COL24A1: variants seen among roughly 807,000 people sequenced by gnomAD.
COL24A1 encodes the protein collagen type XXIV alpha 1 chain.
COL24A1 carries 224 observed loss-of-function variants against 253.9 expected under a neutral mutation model. The ratio of observed to expected loss-of-function variants is 0.88; its 90% CI spans 0.79 to 0.99. COL24A1 has a LOEUF of 0.99. Among genes scored for constraint, COL24A1 ranks in the 50% least tolerant of loss-of-function variants. The pLI is 0.00. For synonymous variants in COL24A1, 685 were observed against 673.7 expected, an observed-to-expected ratio of 1.02 and a Z score of -0.26; for missense variants, 2,131 against 2,068.5, an observed-to-expected ratio of 1.03 and a Z score of -0.59.
Position 86,125,284 on chromosome 1 carries a change from AC to A in COL24A1, c.1051del (p.Val351Ter), listed in dbSNP as rs1479712997. The stretch of plus-strand genomic sequence containing the variant: ...TGCCTCACTGATGCGATGAGTGGTC[AC>A]TGACAGGCTGAAATTTGTCTGAGTA... ...EDTQTNFSLS[V>X]TTHRISEAKM... is the part of the protein sequence containing the mutation. On this transcript the variant is annotated frameshift_variant, in exon 3 of 60. Transcript: ENST00000370571. LOFTEE classifies it high-confidence loss of function. The A allele has an allele frequency of 3.8e-5, 62 of 1,613,532 alleles. No homozygotes were observed. Among genetic ancestry groups the A allele is most frequent in the Non-Finnish European group, 4.9e-5 (58 of 1,179,792 alleles).
intron 53 of COL24A1, among the ~76,000 whole-genome samples, chr1:85,763,472 TG>T (rs1667035741): frequency 6.7e-6 from 1 of 150,134 alleles, no homozygotes; most frequent in Admixed American, 6.7e-5. Flanking sequence ...TGATTGTCTC[TG>T]TTAATTTTCT....
chr1:85,816,170 G>A (rs1006381785), intron 47 of COL24A1, among the ~76,000 whole-genome samples: 3 of 152,026 alleles, frequency 2.0e-5, no homozygotes, highest in Non-Finnish European at 4.4e-5. Flanking sequence ...GGATTAGTTC[G>A]AGCTAGCTGT....
At chr1:85,865,678 T>G (rs1679713374) in intron 37 of COL24A1, among the ~76,000 whole-genome samples, 1 of 152,354 alleles carries the variant, frequency 6.6e-6, no homozygotes, top group Middle Eastern at 3.4e-3. Context: ...CTACAAACTC[T>G]TAGGATTCTG....
intron 24 of COL24A1, among the ~76,000 whole-genome samples, chr1:85,932,351 G>T (rs1687817972): frequency 1.4e-5 from 1 of 69,814 alleles, no homozygotes; most frequent in Non-Finnish European, 3.0e-5. Flanking sequence ...CATCATCACT[G>T]GCCATCAGAG....
At chr1:85,900,906 C>T (rs1684222205) in intron 28 of COL24A1, among the ~76,000 whole-genome samples, 1 of 152,002 alleles carries the variant, frequency 6.6e-6, no homozygotes, top group Non-Finnish European at 1.5e-5. Flanking sequence ...CAAAAATCAA[C>T]CCAAAATGTA....
intron 19 of COL24A1, among the ~76,000 whole-genome samples, chr1:86,009,059 A>G (rs1696257383): frequency 1.3e-5 from 2 of 152,206 alleles, no homozygotes; most frequent in South Asian, 4.1e-4. Context: ...TATAAGTGTA[A>G]GTTGAAGCCA....
intron 24 of COL24A1, among the ~76,000 whole-genome samples, chr1:85,951,774 C>G (rs1232173153): frequency 1.3e-5 from 2 of 152,072 alleles, no homozygotes; most frequent in African/African-American, 4.8e-5. Context: ...ACCAGAAAAA[C>G]ATAGATTCCA....
chr1:85,952,751 A>G (rs1408725077), intron 24 of COL24A1, among the ~76,000 whole-genome samples: 2 of 152,228 alleles, frequency 1.3e-5, no homozygotes, highest in African/African-American at 4.8e-5. Flanking sequence ...ACAGTTGAGC[A>G]GCTATGATAA....
intron 50 of COL24A1, among the ~76,000 whole-genome samples, chr1:85,783,826 C>T (rs1050626280): frequency 1.3e-5 from 2 of 152,002 alleles, no homozygotes; most frequent in African/African-American, 2.4e-5. Flanking sequence ...TGGGTATAGG[C>T]ATTTACTGTA....
chr1:85,800,470 A>G (rs112028794), intron 47 of COL24A1, among the ~76,000 whole-genome samples: 11 of 152,208 alleles, frequency 7.2e-5, no homozygotes, highest in Non-Finnish European at 1.3e-4. Context: ...CAGAGTTCTT[A>G]CTTGCAAATA....
intron 24 of COL24A1, among the ~76,000 whole-genome samples, chr1:85,914,704 T>C (rs1685722842): frequency 6.6e-6 from 1 of 152,170 alleles, no homozygotes; most frequent in Non-Finnish European, 1.5e-5. Flanking sequence ...CATTTCTTTA[T>C]CATATAACAT....
chr1:85,932,684 A>T (rs997989539), intron 24 of COL24A1, among the ~76,000 whole-genome samples: 3 of 100,580 alleles, frequency 3.0e-5, no homozygotes, highest in Admixed American at 1.1e-4. Context: ...CTTGGAACCA[A>T]CCCAAATGTC....
intron 47 of COL24A1, among the ~76,000 whole-genome samples, chr1:85,801,037 C>T (rs72950669): frequency 0.021 from 3,135 of 152,260 alleles, 104 homozygotes; most frequent in African/African-American, 0.069. Flanking sequence ...CACAGTTTCT[C>T]GAGATTATTA....
rs144360627 is a variant in COL24A1, at chr1:86,085,833, A to C, written c.1707+3341T>G. ...AAACATATTGCTTGTTAAAAATGTT[A>C]ATACTGGTTTCAAAAAATGGGAATG... is the stretch of plus-strand genomic sequence containing the variant. On this transcript the variant is annotated intron_variant, in intron 7 of 59. Coordinates refer to ENST00000370571, the MANE Select transcript of COL24A1 (RefSeq NM_152890.7). 2.5e-3 allele frequency among the ~76,000 whole-genome samples: 385 copies of C among 152,314 alleles called. 1 individual carries two copies. The highest frequency in any genetic ancestry group is 0.01 in the Middle Eastern group (3 of 294).
intron 1 of COL24A1, chr1:86,155,183 C>T (rs1653359298): frequency 6.6e-6 from 1 of 152,132 alleles, no homozygotes; most frequent in Non-Finnish European, 1.5e-5. Context: ...CGGGGAGGTG[C>T]ATGTGGTCAG....
intron 24 of COL24A1, among the ~76,000 whole-genome samples, chr1:85,927,234 C>G (rs907967047): frequency 5.9e-5 from 9 of 152,064 alleles, no homozygotes; most frequent in African/African-American, 1.9e-4. Context: ...GCACCGTGCG[C>G]GAGCCGAAGC....
At position 86,156,708 on chromosome 1, in the gene COL24A1, G is replaced by C; in HGVS notation, c.-312C>G. 1 of 253,762 alleles carries C rather than the reference G, an allele frequency of 3.9e-6. No individual in the cohort carries two copies. The allele number at this position is 253,762 out of a possible 1,614,324, so 15.7% of individuals were successfully genotyped here. A position where few individuals can be genotyped will look rare whatever the true frequency, so the allele number is the denominator to read the frequency against. ...GGCCTCGGGGCGCCGGCGGCAGCGGGAGCCGGGCTGCTAGTGCAGCACTCA... is the reference window on the plus strand; with the variant it reads ...GGCCTCGGGGCGCCGGCGGCAGCGGCAGCCGGGCTGCTAGTGCAGCACTCA... On this transcript the variant is annotated 5_prime_UTR_variant, in exon 1 of 60. Coordinates refer to ENST00000370571, the MANE Select transcript of COL24A1 (RefSeq NM_152890.7).
At chr1:85,778,418 T>G (rs1020366205) in intron 52 of COL24A1, among the ~76,000 whole-genome samples, 1 of 151,952 alleles carries the variant, frequency 6.6e-6, no homozygotes, top group Non-Finnish European at 1.5e-5. Context: ...CTTTGTATAT[T>G]AACCTGTTAT....
chr1:85,879,300 G>C (rs1248827484), intron 32 of COL24A1, among the ~76,000 whole-genome samples: 1 of 150,120 alleles, frequency 6.7e-6, no homozygotes, highest in Non-Finnish European at 1.5e-5. Flanking sequence ...TCTGCATCTA[G>C]ATTCACGTTT....
Sources: allele counts gnomAD v4.1 joint callset (sites outside exome capture counted in the v4.1 genomes callset), GRCh38; gene constraint gnomAD v4.1.1; transcripts MANE v1.5; gene names NCBI Gene and HGNC (gene_info 2026-07-23, HGNC 2026-07-21).